Variants in DCDC1 observed in about 807,000 individuals in gnomAD.
DCDC1 encodes the protein doublecortin domain-containing protein 1.
DCDC1 carries 200 observed loss-of-function variants against 178.3 expected under a neutral mutation model. That is an observed-to-expected ratio of 1.12 (90% confidence interval 1.00 to 1.26). The LOEUF (loss-of-function observed/expected upper bound fraction) is 1.26, where lower values mean the gene tolerates loss of function less well. DCDC1 is among the 50% of genes most tolerant of loss of function. DCDC1 has a pLI of 0.00. For synonymous variants in DCDC1, 690 were observed against 604.8 expected, an observed-to-expected ratio of 1.14 and a Z score of -2.07; for missense variants, 1,983 against 1,749.2, an observed-to-expected ratio of 1.13 and a Z score of -2.38.
intron 3 of DCDC1, among the ~76,000 whole-genome samples, chr11:31,309,046 C>T (rs1948616616): frequency 6.6e-6 from 1 of 151,968 alleles, no homozygotes; most frequent in African/African-American, 2.4e-5. Context: ...TTATTTCTTC[C>T]AGCCTGCCCT....
rs367817440 is a variant in DCDC1, at chr11:31,138,417, C to T, written c.1222-633G>A. On this transcript the variant is annotated intron_variant, in intron 9 of 38. Coordinates refer to ENST00000684477, the MANE Select transcript of DCDC1 (RefSeq NM_001387274.1). ...TAAATAATCCTTATAGAAACAAATG[C>T]TATTTTCATGCTAAACATGCAATTG... 1.2e-4 allele frequency among the ~76,000 whole-genome samples: 19 copies of T among 152,230 alleles called. No individual in the cohort carries two copies. The East Asian group carries it at 2.1e-3, about 17-fold the overall frequency.
intron 29 of DCDC1, among the ~76,000 whole-genome samples, chr11:30,908,582 C>A (rs76676913): frequency 1.3e-5 from 2 of 151,896 alleles, no homozygotes; most frequent in African/African-American, 4.8e-5. Flanking sequence ...GTGATTCATA[C>A]GGAGGTGAAG....
chr11:31,328,664 C>T (rs931107494), intron 2 of DCDC1, among the ~76,000 whole-genome samples: 4 of 151,542 alleles, frequency 2.6e-5, no homozygotes, highest in Admixed American at 1.3e-4. Context: ...ATAAATTAGC[C>T]GGGTGTGGTG....
Position 30,922,572 on chromosome 11 carries a change from T to C in DCDC1, c.3064A>G (p.Ile1022Val). The C allele has an allele frequency of 1.3e-6, 2 of 1,588,802 alleles. No individual in the cohort carries two copies. Among genetic ancestry groups the C allele is most frequent in the Non-Finnish European group, 1.7e-6 (2 of 1,171,310 alleles). The change falls in exon 24 of 39, where the codon ATA (isoleucine) becomes GTA (valine). Residue 1022 changes from isoleucine to valine, a missense_variant. By Grantham distance (29) the Ile-to-Val change is conservative. Transcript: ENST00000684477. ...DLSIAQQKKQ[I>V]FLRNLESDIA... The stretch of plus-strand genomic sequence containing the variant: ...TCTGATTCTAGGTTCCTCAGGAATA[T>C]TTGTTTCTTTTGCTGAGCAATGGAC...
chr11:31,156,132 T>C (rs982945297), intron 9 of DCDC1: 3 of 152,222 alleles, frequency 2.0e-5, no homozygotes, highest in African/African-American at 7.2e-5. Context: ...GGATAAAATA[T>C]ATGAACTTAA....
chr11:31,078,625 G>A (rs1956998543), intron 17 of DCDC1, among the ~76,000 whole-genome samples: 1 of 152,120 alleles, frequency 6.6e-6, no homozygotes, highest in Non-Finnish European at 1.5e-5. Context: ...AAAGCAAGGT[G>A]CTATGTGATC....
intron 15 of DCDC1, among the ~76,000 whole-genome samples, chr11:31,094,986 C>T (rs961836012): frequency 1.3e-5 from 2 of 152,084 alleles, no homozygotes; most frequent in African/African-American, 4.8e-5. Flanking sequence ...ATGTTCCCCT[C>T]CCTGTGTCCC....
At chr11:31,030,181 G>A (rs1032024595) in intron 20 of DCDC1, among the ~76,000 whole-genome samples, 1 of 151,424 alleles carries the variant, frequency 6.6e-6, no homozygotes, top group African/African-American at 2.4e-5. Context: ...TCTTTCATAG[G>A]ATTTCTTATG....
At chr11:31,209,088 T>C (rs947881562) in intron 9 of DCDC1, among the ~76,000 whole-genome samples, 1 of 152,130 alleles carries the variant, frequency 6.6e-6, no homozygotes, top group Non-Finnish European at 1.5e-5. Flanking sequence ...AACATGGAAT[T>C]TGAGGGGTCA....
chr11:31,154,414 T>C (rs560782001), intron 9 of DCDC1, among the ~76,000 whole-genome samples: 2 of 152,304 alleles, frequency 1.3e-5, no homozygotes, highest in East Asian at 3.9e-4. Context: ...GAGCCCATCT[T>C]TGATACCCTC....
chr11:31,120,437 C>T (rs1256540625), intron 11 of DCDC1, among the ~76,000 whole-genome samples: 1 of 152,036 alleles, frequency 6.6e-6, no homozygotes, highest in Admixed American at 6.6e-5. Context: ...TTCTGATGAG[C>T]TGCCTAAAAA....
At chr11:31,081,220 T>C (rs1438467493) in intron 17 of DCDC1, among the ~76,000 whole-genome samples, 1 of 152,238 alleles carries the variant, frequency 6.6e-6, no homozygotes, top group Non-Finnish European at 1.5e-5. Flanking sequence ...TAAAGCCATC[T>C]GAAAATGTTT....
intron 9 of DCDC1, among the ~76,000 whole-genome samples, chr11:31,177,900 G>C (rs1355625930): frequency 6.6e-6 from 1 of 151,946 alleles, no homozygotes; most frequent in African/African-American, 2.4e-5. Flanking sequence ...TCTAAAAGGA[G>C]AGATAAACTG....
intron 28 of DCDC1, among the ~76,000 whole-genome samples, chr11:30,910,957 A>G (rs1272893703): frequency 6.6e-6 from 1 of 152,192 alleles, no homozygotes; most frequent in African/African-American, 2.4e-5. Context: ...GGAGCCTTGC[A>G]TATGTTCCTG....
At chr11:31,135,588 C>A (rs1248710369) in intron 10 of DCDC1, among the ~76,000 whole-genome samples, 1 of 152,086 alleles carries the variant, frequency 6.6e-6, no homozygotes, top group Non-Finnish European at 1.5e-5. Flanking sequence ...CAGAAATTAT[C>A]TTCAGAGGCT....
At chr11:31,209,738 T>C (rs1223994606) in intron 9 of DCDC1, among the ~76,000 whole-genome samples, 1 of 152,190 alleles carries the variant, frequency 6.6e-6, no homozygotes, top group African/African-American at 2.4e-5. Context: ...TAAAAACTCC[T>C]CTTCTGAGTT....
chr11:31,170,173 A>G lies in DCDC1; in HGVS notation c.1222-32389T>C, dbSNP rs140896604. 2.3e-4 allele frequency among the ~76,000 whole-genome samples: 35 copies of G among 152,352 alleles called. 1 individual carries two copies. The East Asian group carries it at 6.6e-3, about 29-fold the overall frequency. On this transcript the variant is annotated intron_variant, in intron 9 of 38. Transcript: ENST00000684477. ...TGGGGCACCATCTAGGAGCTACTGC[A>G]GTAGTCCAGATGAAAGGTACCAAAG...
At chr11:31,258,008 GA>G (rs909385357) in intron 8 of DCDC1, among the ~76,000 whole-genome samples, 1 of 152,086 alleles carries the variant, frequency 6.6e-6, no homozygotes, top group African/African-American at 2.4e-5. Context: ...AGCAACTGGG[GA>G]ATCACTTTTG....
intron 17 of DCDC1, among the ~76,000 whole-genome samples, chr11:31,081,616 A>G (rs577380727): frequency 2.1e-4 from 32 of 152,278 alleles, no homozygotes; most frequent in Admixed American, 3.3e-4. Context: ...ATCTCAAAAA[A>G]AAAAGAAAAG....
Sources: allele counts gnomAD v4.1 joint callset (sites outside exome capture counted in the v4.1 genomes callset), GRCh38; gene constraint gnomAD v4.1.1; transcripts MANE v1.5; gene names NCBI Gene and HGNC (gene_info 2026-07-23, HGNC 2026-07-21).